The following MAD1L1 variants were observed in gnomAD, a reference collection of about 807,000 sequenced individuals.
The protein encoded by MAD1L1 is mitotic spindle assembly checkpoint protein MAD1.
Under a neutral mutation model 96.9 loss-of-function variants are expected in MAD1L1, and 95 were observed. That is an observed-to-expected ratio of 0.98 (90% confidence interval 0.83 to 1.16). The LOEUF is 1.16. Ranked by LOEUF, MAD1L1 falls within the 50% of genes most tolerant of loss-of-function variation. The probability of loss-of-function intolerance (pLI) is 0.00; values close to 1 mark genes in which losing one functional copy is unlikely to be tolerated. For synonymous variants in MAD1L1, 473 were observed against 396.6 expected, an observed-to-expected ratio of 1.19 and a Z score of -2.29; for missense variants, 1,007 against 954.4, an observed-to-expected ratio of 1.06 and a Z score of -0.73.
At chr7:2,010,297 G>A (rs1782237474) in intron 13 of MAD1L1, among the ~76,000 whole-genome samples, 1 of 152,070 alleles carries the variant, frequency 6.6e-6, no homozygotes, top group African/African-American at 2.4e-5. Flanking sequence ...GGAGGTCACG[G>A]GGAGGAAGGG....
intron 17 of MAD1L1, among the ~76,000 whole-genome samples, chr7:1,903,464 A>G: frequency 6.8e-6 from 1 of 148,084 alleles, no homozygotes; most frequent in East Asian, 2.0e-4. Context: ...GCAGTGGGCT[A>G]CTGAAGACGC....
chr7:2,107,119 C>T (rs1262430680), intron 11 of MAD1L1, among the ~76,000 whole-genome samples: 1 of 152,340 alleles, frequency 6.6e-6, no homozygotes, highest in Non-Finnish European at 1.5e-5. Context: ...TGGCAGCGCA[C>T]CGGGAGGCGT....
chr7:2,025,462 T>C (rs142653488), intron 12 of MAD1L1, among the ~76,000 whole-genome samples: 1 of 152,278 alleles, frequency 6.6e-6, no homozygotes, highest in East Asian at 1.9e-4. Flanking sequence ...AAACTGTTCT[T>C]CAAAAATAAA....
Position 2,131,647 on chromosome 7 carries a change from C to A in MAD1L1, c.1073+17505G>T, listed in dbSNP as rs551577338. On this transcript the variant is annotated intron_variant, in intron 11 of 18. Transcript: ENST00000265854. ...AACATTCGTGCCTGCACCAGCTGGG[C>A]CCCCAGGTTCTCATCCAGAGAGCAG... Among the ~76,000 whole-genome samples, 37 of 152,298 alleles carry A rather than the reference C, an allele frequency of 2.4e-4. 1 individual carries two copies. The South Asian group carries it at 7.7e-3, about 32-fold the overall frequency.
chr7:1,944,979 A>G (rs1779161970), intron 16 of MAD1L1, among the ~76,000 whole-genome samples: 1 of 151,918 alleles, frequency 6.6e-6, no homozygotes, highest in Admixed American at 6.5e-5. Context: ...CCACCAAGGG[A>G]GCCGGAAGCA....
chr7:2,152,361 CCGCTGGAGGG>C (rs372145931), intron 10 of MAD1L1, among the ~76,000 whole-genome samples: 173 of 152,346 alleles, frequency 1.1e-3, no homozygotes, highest in African/African-American at 4.1e-3. Flanking sequence ...CGGGCAGAAG[CCGCTGGAGGG>C]CACAGGGGCA....
chr7:2,186,896 T>G (rs111711634), intron 10 of MAD1L1, among the ~76,000 whole-genome samples: 3,992 of 151,878 alleles, frequency 0.026, 92 homozygotes, highest in South Asian at 0.073. Context: ...CAGGTTCAAG[T>G]GATTCTCCTG....
At chr7:2,075,580 A>G (rs3800874) in intron 11 of MAD1L1, among the ~76,000 whole-genome samples, 19,395 of 152,032 alleles carry the variant, frequency 0.13, 2,086 homozygotes, top group African/African-American at 0.29. Flanking sequence ...AGGAGAAGCC[A>G]GGCATGTTTA....
chr7:2,020,663 C>T (rs762797422), intron 12 of MAD1L1, among the ~76,000 whole-genome samples: 28 of 151,968 alleles, frequency 1.8e-4, no homozygotes, highest in Non-Finnish European at 2.2e-4. Flanking sequence ...TGGGCAGAGA[C>T]GAAGGAAAAC....
intron 11 of MAD1L1, among the ~76,000 whole-genome samples, chr7:2,115,097 C>CGAG (rs1198346229): frequency 6.6e-6 from 1 of 152,208 alleles, no homozygotes. Context: ...ACCCAAGGCT[C>CGAG]CCCCAGAAGC....
intron 10 of MAD1L1, among the ~76,000 whole-genome samples, chr7:2,209,318 C>T (rs4721473): frequency 0.057 from 8,666 of 152,214 alleles, 338 homozygotes; most frequent in Non-Finnish European, 0.083. Context: ...AAGCCCGGGG[C>T]GAGGCCGAAG....
intron 11 of MAD1L1, among the ~76,000 whole-genome samples, chr7:2,079,332 C>T (rs981240138): frequency 6.6e-5 from 10 of 152,152 alleles, no homozygotes; most frequent in Admixed American, 3.9e-4. Context: ...ATCTTAAATG[C>T]CTCCAAGTGT....
At chr7:1,861,968 G>A (rs1410262665) in intron 18 of MAD1L1, among the ~76,000 whole-genome samples, 1 of 152,156 alleles carries the variant, frequency 6.6e-6, no homozygotes, top group African/African-American at 2.4e-5. Context: ...TAGAGGGCTG[G>A]GGTGTGCCCT....
intron 12 of MAD1L1, among the ~76,000 whole-genome samples, chr7:2,037,059 C>T (rs982924689): frequency 6.6e-6 from 1 of 152,158 alleles, no homozygotes; most frequent in African/African-American, 2.4e-5. Context: ...CAGCTCCCCC[C>T]ACAGCATGAG....
intron 18 of MAD1L1, among the ~76,000 whole-genome samples, chr7:1,876,213 C>T (rs923173135): frequency 2.0e-5 from 3 of 152,150 alleles, no homozygotes; most frequent in Non-Finnish European, 2.9e-5. Flanking sequence ...GGCATGGCAG[C>T]CCCACCTAGG....
At chr7:2,215,373 T>C (rs1268708629) in intron 9 of MAD1L1, among the ~76,000 whole-genome samples, 3 of 93,292 alleles carry the variant, frequency 3.2e-5, no homozygotes, top group African/African-American at 1.8e-4. Context: ...CGAGACTCCA[T>C]CTCAAAAAAA....
chr7:2,173,488 T>C (rs1442723275), intron 10 of MAD1L1, among the ~76,000 whole-genome samples: 1 of 152,228 alleles, frequency 6.6e-6, no homozygotes, highest in Non-Finnish European at 1.5e-5. Context: ...GAAGGGGTTT[T>C]TCACTTGCTT....
intron 14 of MAD1L1, among the ~76,000 whole-genome samples, chr7:1,987,862 G>A (rs1013616254): frequency 3.3e-5 from 5 of 152,184 alleles, no homozygotes; most frequent in African/African-American, 4.8e-5. Flanking sequence ...CCGTGACGAC[G>A]GGGATACCAC....
At chr7:1,819,172 A>G (rs1438009439) in intron 18 of MAD1L1, among the ~76,000 whole-genome samples, 2 of 152,214 alleles carry the variant, frequency 1.3e-5, no homozygotes, top group East Asian at 3.9e-4. Flanking sequence ...CTCGTAAATC[A>G]CTGTAATTAC....
Sources: gnomAD v4.1 joint callset for allele counts (sites outside exome capture counted in the v4.1 genomes callset) on GRCh38, gnomAD v4.1.1 for gene constraint, MANE v1.5 for transcripts, NCBI Gene and HGNC (gene_info 2026-07-23, HGNC 2026-07-21) for gene names.